Variants in HECW2 observed in about 807,000 individuals in gnomAD.
HECW2 encodes the protein E3 ubiquitin-protein ligase HECW2.
Under a neutral mutation model 175.2 loss-of-function variants are expected in HECW2, and 61 were observed. That is an observed-to-expected ratio of 0.35 (90% CI 0.28 to 0.43). HECW2 has a LOEUF of 0.43. HECW2 is among the 20% of genes least tolerant of loss of function. HECW2 has a pLI of 1.00. For synonymous variants in HECW2, 671 were observed against 731.0 expected, an observed-to-expected ratio of 0.92 and a Z score of 1.32; for missense variants, 1,524 against 2,000.5, an observed-to-expected ratio of 0.76 and a Z score of 4.54.
chr2:196,457,816 A>AC (rs11375750), intron 1 of HECW2, among the ~76,000 whole-genome samples: 32,881 of 152,102 alleles, frequency 0.22, 4,065 homozygotes, highest in African/African-American at 0.34. Context: ...ACCCGCTACT[A>AC]CACAAAACCT....
chr2:196,211,714 A>G (rs1414966397), intron 28 of HECW2, among the ~76,000 whole-genome samples: 1 of 152,200 alleles, frequency 6.6e-6, no homozygotes, highest in African/African-American at 2.4e-5. Context: ...ATCCTTGTCT[A>G]GAAAGACTAA....
chr2:196,410,034 T>C (rs1348880990), intron 2 of HECW2, among the ~76,000 whole-genome samples: 2 of 152,148 alleles, frequency 1.3e-5, no homozygotes, highest in African/African-American at 4.8e-5. Context: ...TAGTTAAATG[T>C]TTCTCCCAGA....
chr2:196,424,823 C>T (rs1403065126), intron 2 of HECW2, among the ~76,000 whole-genome samples: 2 of 152,096 alleles, frequency 1.3e-5, no homozygotes, highest in East Asian at 3.8e-4. Flanking sequence ...GTAGAAGTTG[C>T]AGTAAGTTAT....
intron 1 of HECW2, among the ~76,000 whole-genome samples, chr2:196,568,481 T>C (rs948244625): frequency 2.6e-5 from 4 of 152,202 alleles, no homozygotes; most frequent in African/African-American, 7.2e-5. Flanking sequence ...GTGAGCTTAC[T>C]TATGATTTTT....
chr2:196,396,659 A>T (rs1313748123), intron 2 of HECW2, among the ~76,000 whole-genome samples: 1 of 152,226 alleles, frequency 6.6e-6, no homozygotes, highest in Non-Finnish European at 1.5e-5. Flanking sequence ...AGCCTTGCCT[A>T]GAGGCATTTC....
chr2:196,572,608 A>G (rs191701135), intron 1 of HECW2, among the ~76,000 whole-genome samples: 3 of 152,336 alleles, frequency 2.0e-5, no homozygotes, highest in African/African-American at 4.8e-5. Context: ...ATATGTTACA[A>G]TAGACTAAAT....
In HECW2 at chr2:196,394,162, G is replaced by T. The variant is rs1575495603; in HGVS notation, c.292+38970C>A. ...GGGCCTGTCCGGGGGTGAGGGGGGAGAGGGGGGAGGGATAGCATTAGGAGA... is the reference window on the plus strand; with the variant it reads ...GGGCCTGTCCGGGGGTGAGGGGGGATAGGGGGGAGGGATAGCATTAGGAGA... On this transcript the variant is annotated intron_variant, in intron 2 of 28. Coordinates refer to ENST00000644978, the MANE Select transcript of HECW2 (RefSeq NM_001348768.2). Among the ~76,000 whole-genome samples the T allele has an allele frequency of 4.0e-5, 6 of 151,240 alleles. 1 individual carries two copies. Among genetic ancestry groups the T allele is most frequent in the Admixed American group, 3.9e-4 (6 of 15,190 alleles).
At chr2:196,322,857 C>T (rs1030284108) in intron 6 of HECW2, among the ~76,000 whole-genome samples, 2 of 152,208 alleles carry the variant, frequency 1.3e-5, no homozygotes, top group East Asian at 1.9e-4. Context: ...CTCAGTCAAT[C>T]ATGCAGCCCT....
intron 1 of HECW2, among the ~76,000 whole-genome samples, chr2:196,566,670 C>G (rs1690199882): frequency 6.8e-6 from 1 of 146,840 alleles, no homozygotes; most frequent in African/African-American, 2.5e-5. Context: ...GTAGCCAGGA[C>G]TACAGGTGCC....
chr2:196,402,073 C>T lies in HECW2; in HGVS notation c.292+31059G>A, dbSNP rs571023594. On this transcript the variant is annotated intron_variant, in intron 2 of 28. Coordinates refer to ENST00000644978, the MANE Select transcript of HECW2 (RefSeq NM_001348768.2). ...AAAATTAGCCGGACGTGGTGGCGGG[C>T]GCCTGTAGTCCCAGCTACTCGGGAG... Among the ~76,000 whole-genome samples the T allele has an allele frequency of 4.6e-5, 7 of 151,662 alleles. No homozygotes were observed. The South Asian group carries it at 8.3e-4, about 18-fold the overall frequency.
At chr2:196,328,941 T>C (rs991262143) in intron 5 of HECW2, among the ~76,000 whole-genome samples, 1 of 152,138 alleles carries the variant, frequency 6.6e-6, no homozygotes, top group African/African-American at 2.4e-5. Flanking sequence ...AAATTTTCAG[T>C]TTATATAAAT....
chr2:196,274,576 T>C (rs1441446068), intron 15 of HECW2, among the ~76,000 whole-genome samples: 1 of 152,206 alleles, frequency 6.6e-6, no homozygotes, highest in African/African-American at 2.4e-5. Flanking sequence ...ATTCCCTGGC[T>C]CAGCAGAGGA....
chr2:196,259,878 T>A (rs1689219599), intron 17 of HECW2: 1 of 152,234 alleles, frequency 6.6e-6, no homozygotes, highest in Non-Finnish European at 1.5e-5. Flanking sequence ...AACACCATGC[T>A]TTGATCTTGA....
chr2:196,399,930 G>A (rs1371786002), intron 2 of HECW2, among the ~76,000 whole-genome samples: 3 of 152,162 alleles, frequency 2.0e-5, no homozygotes, highest in Non-Finnish European at 4.4e-5. Context: ...GGGTCCTCAG[G>A]AATTAAGTAG....
At chr2:196,478,532 T>A in intron 1 of HECW2, among the ~76,000 whole-genome samples, 1 of 152,090 alleles carries the variant, frequency 6.6e-6, no homozygotes, top group Non-Finnish European at 1.5e-5. Flanking sequence ...ATTAAAACGG[T>A]ATCTTGAACG....
chr2:196,358,649 G>T (rs1392506163), intron 2 of HECW2, among the ~76,000 whole-genome samples: 1 of 144,052 alleles, frequency 6.9e-6, no homozygotes, highest in Non-Finnish European at 1.5e-5. Context: ...TTTAAAGGGA[G>T]CTATGTTTTC....
rs180907383 is a variant in HECW2, at chr2:196,526,003, T to A, written c.-36+67505A>T. ...GTATCTTTGTGGCGTTCTCGGTATT[T>A]CCTGAATCTGAACGTTGGCCTGCCT... On this transcript the variant is annotated intron_variant, in intron 1 of 28. Coordinates refer to ENST00000644978, the MANE Select transcript of HECW2 (RefSeq NM_001348768.2). 6.1e-3 allele frequency among the ~76,000 whole-genome samples: 551 copies of A among 90,504 alleles called. 3 individuals are homozygous for A. The highest frequency in any genetic ancestry group is 7.8e-3 in the Non-Finnish European group (356 of 45,862). The allele number at this position is 90,504 out of a possible 152,430, so 59.4% of individuals were successfully genotyped here.
intron 15 of HECW2, among the ~76,000 whole-genome samples, chr2:196,277,702 A>T (rs942314806): frequency 6.6e-6 from 1 of 152,118 alleles, no homozygotes; most frequent in African/African-American, 2.4e-5. Context: ...CACTACTCAC[A>T]ATAGCAAAGA....
At chr2:196,242,043 C>T (rs893028988) in intron 20 of HECW2, 41 bp downstream of exon 20, 3 of 1,592,694 alleles carry the variant, frequency 1.9e-6, no homozygotes, top group Non-Finnish European at 2.6e-6. Flanking sequence ...CCTCTCCTTT[C>T]ACCATCTATA....
Sources: allele counts gnomAD v4.1 joint callset (sites outside exome capture counted in the v4.1 genomes callset), GRCh38; gene constraint gnomAD v4.1.1; transcripts MANE v1.5; gene names NCBI Gene and HGNC (gene_info 2026-07-23, HGNC 2026-07-21).